The following TENM2 variants were observed in gnomAD, a reference collection of about 807,000 sequenced individuals.
TENM2 encodes teneurin transmembrane protein 2.
In TENM2, 52 loss-of-function variants were observed where a neutral mutation model predicts 245.2. That is an observed-to-expected ratio of 0.21 (90% CI 0.17 to 0.27). TENM2 has a LOEUF of 0.27. TENM2 is among the 10% of genes least tolerant of loss of function. The pLI is 1.00. For synonymous variants in TENM2, 1,363 were observed against 1,438.9 expected (o/e 0.95, Z 1.19); for missense variants, 3,046 against 3,666.8 (o/e 0.83, Z 4.37).
intron 4 of TENM2, among the ~76,000 whole-genome samples, chr5:167,981,849 C>A (rs151006317): frequency 6.6e-6 from 1 of 152,010 alleles, no homozygotes. Context: ...TGGCGTGCAC[C>A]TGTAATCCCA....
At chr5:168,004,470 G>T (rs1418823051) in intron 5 of TENM2, among the ~76,000 whole-genome samples, 2 of 151,336 alleles carry the variant, frequency 1.3e-5, no homozygotes. Flanking sequence ...TGAAAGAGAA[G>T]GGAAGGGAGG....
At position 167,544,781 on chromosome 5, in the gene TENM2, A is replaced by C. The variant is rs575832979; in HGVS notation, c.502+169308A>C. On this transcript the variant is annotated intron_variant, in intron 2 of 28. Transcript: ENST00000518659. The stretch of plus-strand genomic sequence containing the variant: ...CCTTCCCTCATGGAGCTGATATTCT[A>C]AGGAGAGATACACAATTTTAAAATA... Among the ~76,000 whole-genome samples the C allele has an allele frequency of 2.0e-4, 30 of 152,336 alleles. 1 individual carries two copies. The South Asian group carries it at 6.2e-3, about 32-fold the overall frequency.
the TENM2 span, among the ~76,000 whole-genome samples, chr5:166,994,306 G>T: frequency 2.6e-5 from 4 of 152,118 alleles, no homozygotes; most frequent in African/African-American, 7.2e-5. Context: ...CTAATATTGT[G>T]GGCGATCATC....
intron 1 of TENM2, among the ~76,000 whole-genome samples, chr5:167,345,959 G>C (rs1047655327): frequency 6.6e-6 from 1 of 150,960 alleles, no homozygotes; most frequent in African/African-American, 2.4e-5. Flanking sequence ...CAAATATCTG[G>C]TCCCTAAATA....
chr5:168,030,865 G>A (rs1009335384), intron 5 of TENM2, among the ~76,000 whole-genome samples: 6 of 152,172 alleles, frequency 3.9e-5, no homozygotes, highest in Admixed American at 1.3e-4. Flanking sequence ...TACAGGAGGG[G>A]ATTAAAGGTG....
intron 5 of TENM2, among the ~76,000 whole-genome samples, chr5:168,029,620 G>C (rs537391037): frequency 9.7e-4 from 147 of 152,308 alleles, no homozygotes; most frequent in African/African-American, 3.5e-3. Context: ...ACCTGCTTCA[G>C]GTCAGTACCT....
At chr5:167,888,995 G>A (rs1007557945) in intron 3 of TENM2, among the ~76,000 whole-genome samples, 2 of 151,954 alleles carry the variant, frequency 1.3e-5, no homozygotes, top group African/African-American at 4.8e-5. Flanking sequence ...CTCAACCATG[G>A]GAAGCTAACA....
chr5:167,592,731 A>G lies in TENM2; in HGVS notation c.502+217258A>G, dbSNP rs1166211302. Among the ~76,000 whole-genome samples the G allele has an allele frequency of 2.0e-5, 3 of 152,284 alleles. No homozygotes were observed. In the East Asian group the frequency reaches 5.8e-4, roughly 29 times the overall value. Reference sequence around the variant, plus strand: ...GCTTGAGGTGGGCATATTCAAAGTTATGTGGACTAGTTTTAGGTTTCATTG... The same window carrying G: ...GCTTGAGGTGGGCATATTCAAAGTTGTGTGGACTAGTTTTAGGTTTCATTG... On this transcript the variant is annotated intron_variant, in intron 2 of 28. Transcript: ENST00000518659.
exon 1 of TENM2, chr5:167,285,024 G>C: frequency 6.4e-7 from 1 of 1,552,210 alleles, no homozygotes; most frequent in South Asian, 1.2e-5. Flanking sequence ...CCGAGTCACA[G>C]ACCTCATCCA....
chr5:168,147,491 C>G (rs1332677017), intron 12 of TENM2, among the ~76,000 whole-genome samples: 1 of 152,218 alleles, frequency 6.6e-6, no homozygotes, highest in African/African-American at 2.4e-5. Context: ...TTATCCTATA[C>G]CTATGACACT....
chr5:167,002,371 G>A, the TENM2 span, among the ~76,000 whole-genome samples: 61 of 152,270 alleles, frequency 4.0e-4, no homozygotes, highest in African/African-American at 2.9e-4. Flanking sequence ...TGTCTAGATC[G>A]TGCCATTGTC....
intron 2 of TENM2, among the ~76,000 whole-genome samples, chr5:167,554,488 T>G (rs1472562564): frequency 1.3e-5 from 2 of 152,116 alleles, no homozygotes; most frequent in African/African-American, 4.8e-5. Flanking sequence ...TAGTCCTGCT[T>G]TGAGGGTAGA....
exon 25 of TENM2, chr5:168,227,963 G>T: frequency 6.2e-7 from 1 of 1,613,734 alleles, no homozygotes; most frequent in Non-Finnish European, 8.5e-7. Context: ...TAATGGGATG[G>T]GTATCAGCTT....
chr5:167,480,602 G>A (rs980801005), intron 2 of TENM2, among the ~76,000 whole-genome samples: 2 of 152,156 alleles, frequency 1.3e-5, no homozygotes, highest in Admixed American at 6.6e-5. Flanking sequence ...ACAAAATCTA[G>A]ATGATTGCGA....
At chr5:167,191,655 C>A in the TENM2 span, among the ~76,000 whole-genome samples, 1 of 151,838 alleles carries the variant, frequency 6.6e-6, no homozygotes, top group Admixed American at 6.6e-5. Context: ...CAGAACAGGG[C>A]AAGAGGGCCA....
At chr5:167,689,863 C>T (rs773464777) in intron 2 of TENM2, among the ~76,000 whole-genome samples, 1 of 152,070 alleles carries the variant, frequency 6.6e-6, no homozygotes, top group Non-Finnish European at 1.5e-5. Flanking sequence ...TGGGTTCAAG[C>T]GATTCTCCTG....
At chr5:168,202,043 G>T (rs193171443) in intron 17 of TENM2, among the ~76,000 whole-genome samples, 32 of 152,284 alleles carry the variant, frequency 2.1e-4, no homozygotes, top group Admixed American at 5.2e-4. Context: ...CTTCCATCAA[G>T]AGGCACCTAA....
intron 1 of TENM2, among the ~76,000 whole-genome samples, chr5:167,335,087 G>GT (rs1227820023): frequency 6.6e-6 from 1 of 152,188 alleles, no homozygotes; most frequent in Non-Finnish European, 1.5e-5. Flanking sequence ...AAGAAAAGAT[G>GT]TTTAAGTGGC....
the TENM2 span, among the ~76,000 whole-genome samples, chr5:166,979,154 C>G: frequency 1.4e-5 from 2 of 143,698 alleles, no homozygotes; most frequent in Non-Finnish European, 3.1e-5. Flanking sequence ...TGGGCGTCCT[C>G]CTCCTAATCG....
Sources: allele counts gnomAD v4.1 joint callset (sites outside exome capture counted in the v4.1 genomes callset), GRCh38; gene constraint gnomAD v4.1.1; transcripts MANE v1.5; gene names NCBI Gene and HGNC (gene_info 2026-07-23, HGNC 2026-07-21).